Variants in TACC2 observed in about 807,000 individuals in gnomAD.
The protein encoded by TACC2 is transforming acidic coiled-coil-containing protein 2.
A neutral mutation model predicts 227.3 loss-of-function variants in TACC2; 137 were observed. The observed-to-expected ratio is 0.60, with a 90% CI of 0.52 to 0.69. The LOEUF (loss-of-function observed/expected upper bound fraction) is 0.69, where lower values mean the gene tolerates loss of function less well. Among genes scored for constraint, TACC2 ranks in the 30% least tolerant of loss-of-function variants. TACC2 has a pLI of 0.00. For synonymous variants in TACC2, 1,523 were observed against 1,487.5 expected, an observed-to-expected ratio of 1.02 and a Z score of -0.55; for missense variants, 3,470 against 3,694.4, an observed-to-expected ratio of 0.94 and a Z score of 1.57.
intron 1 of TACC2, among the ~76,000 whole-genome samples, chr10:121,999,749 G>A (rs1361081204): frequency 1.3e-5 from 2 of 152,138 alleles, no homozygotes; most frequent in African/African-American, 4.8e-5. Flanking sequence ...TACATACACT[G>A]ATGTCAATCT....
intron 7 of TACC2, among the ~76,000 whole-genome samples, chr10:122,154,025 G>A (rs1565450027): frequency 6.6e-6 from 1 of 152,228 alleles, no homozygotes; most frequent in African/African-American, 2.4e-5. Flanking sequence ...GGCTCTGCAT[G>A]TGGTACCTGG....
chr10:122,150,751 T>C lies in TACC2; in HGVS notation c.5834+7045T>C, dbSNP rs1040094423. On this transcript the variant is annotated intron_variant, in intron 7 of 22. Coordinates refer to ENST00000369005, the MANE Select transcript of TACC2 (RefSeq NM_206862.4). This position sits in a 1 kb window ranked among gnomAD's most constrained non-coding sequence, Gnocchi z 4.0. ...AGCCAGTTTCTTTAATACTTCGCTG[T>C]CAGGAGAAGGACCTGCTGAGCGCTG... Among the ~76,000 whole-genome samples, 3 of 152,172 alleles carry C rather than the reference T, an allele frequency of 2.0e-5. No individual in the cohort carries two copies. Among genetic ancestry groups the C allele is most frequent in the Non-Finnish European group, 4.4e-5 (3 of 68,028 alleles).
chr10:122,064,091 G>A (rs895019981), intron 3 of TACC2, among the ~76,000 whole-genome samples: 1 of 152,094 alleles, frequency 6.6e-6, no homozygotes, highest in Non-Finnish European at 1.5e-5. Context: ...GAACCCAGGA[G>A]GCAGAGGTTG....
Position 122,084,383 on chromosome 10 carries a change from C to A in TACC2, c.1883C>A (p.Pro628His). The change falls in exon 4 of 23, where the codon CCC becomes CAC. Residue 628 changes from proline (P) to histidine (H), a missense_variant. Physicochemically the swap from Pro to His is moderately conservative, Grantham distance 77. This residue lies in a region of TACC2 where 1,924 missense variants were observed against 1,978.3 expected (regional missense o/e 0.97). Transcript: ENST00000369005. ...AGTGATGCAGAGAGCAGAGACCATC[C>A]CAGCTCACACTCAGCACAGCCACCC... ...PSSDAESRDH[P>H]SSHSAQPPRK... 1 of 1,613,310 alleles carries A rather than the reference C, an allele frequency of 6.2e-7. No individual in the cohort carries two copies. The highest frequency in any genetic ancestry group is 8.5e-7 in the Non-Finnish European group (1 of 1,180,018).
chr10:122,202,165 A>C (rs941946950), intron 8 of TACC2, among the ~76,000 whole-genome samples: 2 of 151,058 alleles, frequency 1.3e-5, no homozygotes, highest in Middle Eastern at 3.2e-3. Flanking sequence ...TGATTTGCTT[A>C]GGTTATTATT....
intron 3 of TACC2, among the ~76,000 whole-genome samples, chr10:122,058,754 A>T (rs1250420599): frequency 6.6e-6 from 1 of 152,028 alleles, no homozygotes; most frequent in Non-Finnish European, 1.5e-5. Flanking sequence ...AAATTTATGA[A>T]CCTCATGATT....
chr10:122,143,332 T>C (rs2090915331), intron 6 of TACC2, among the ~76,000 whole-genome samples: 1 of 152,148 alleles, frequency 6.6e-6, no homozygotes, highest in Non-Finnish European at 1.5e-5. Context: ...AACCCGGTTC[T>C]ACAGAAGCTT....
At position 122,111,168 on chromosome 10, in the gene TACC2, T is replaced by G. The variant is rs113890807; in HGVS notation, c.5574-21441T>G. 6.7e-3 allele frequency among the ~76,000 whole-genome samples: 996 copies of G among 148,590 alleles called. 11 individuals are homozygous for G. Among genetic ancestry groups the G allele is most frequent in the African/African-American group, 0.022 (906 of 40,678 alleles). On this transcript the variant is annotated intron_variant, in intron 5 of 22. Coordinates refer to ENST00000369005, the MANE Select transcript of TACC2 (RefSeq NM_206862.4). ...CCTCCCTACTTTAAAGTCAGGTGAT[T>G]AGCAACTTTAATTCCATCTACAACC...
chr10:122,132,958 G>A (rs944629039), intron 6 of TACC2, among the ~76,000 whole-genome samples: 1 of 152,112 alleles, frequency 6.6e-6, no homozygotes, highest in Non-Finnish European at 1.5e-5. Context: ...CAGGAAGACC[G>A]TTTCCCCTGT....
chr10:122,164,434 C>G (rs576693392), intron 7 of TACC2, among the ~76,000 whole-genome samples: 61 of 152,362 alleles, frequency 4.0e-4, no homozygotes, highest in Admixed American at 3.5e-3. Context: ...GTGGTGCGCT[C>G]TGGTGGACGT....
chr10:122,121,241 T>C (rs1458876956), intron 5 of TACC2, among the ~76,000 whole-genome samples: 1 of 152,198 alleles, frequency 6.6e-6, no homozygotes, highest in Non-Finnish European at 1.5e-5. Context: ...CATCCTGTAG[T>C]GTTTGTCTTA....
At chr10:122,033,086 C>T (rs1475086827) in intron 2 of TACC2, 1 of 1,288,848 alleles carries the variant, frequency 7.8e-7, no homozygotes, top group Non-Finnish European at 1.0e-6. Flanking sequence ...GATCCCTTTG[C>T]ATTTCAGCAG....
intron 19 of TACC2, among the ~76,000 whole-genome samples, chr10:122,242,715 T>C (rs1420779495): frequency 6.6e-6 from 1 of 152,212 alleles, no homozygotes; most frequent in African/African-American, 2.4e-5. Flanking sequence ...TTTATGCTAA[T>C]GGTCACTATT....
chr10:122,222,104 A>G (rs1010897), intron 11 of TACC2, among the ~76,000 whole-genome samples: 54,952 of 152,114 alleles, frequency 0.36, 10,277 homozygotes, highest in Middle Eastern at 0.51. Context: ...CCAGTTGAGA[A>G]TATGATGTGC....
At chr10:122,019,505 A>G (rs746070879) in intron 1 of TACC2, among the ~76,000 whole-genome samples, 3 of 152,250 alleles carry the variant, frequency 2.0e-5, no homozygotes, top group Non-Finnish European at 4.4e-5. Flanking sequence ...TGCAAAGGAC[A>G]GTTCTGAGCT....
At chr10:122,073,127 ATATATAT>A (rs1279624677) in intron 3 of TACC2, among the ~76,000 whole-genome samples, 42 of 50,596 alleles carry the variant, frequency 8.3e-4, no homozygotes, top group Admixed American at 2.1e-3. Context: ...AAAAAAAAAA[ATATATAT>A]ATATATATAT....
At chr10:122,070,125 A>G (rs2077872441) in intron 3 of TACC2, among the ~76,000 whole-genome samples, 1 of 152,162 alleles carries the variant, frequency 6.6e-6, no homozygotes, top group Non-Finnish European at 1.5e-5. Context: ...CCTTCATCAC[A>G]TTTTTGAGCT....
In TACC2 at chr10:122,086,514, C is replaced by A; in HGVS notation, c.4014C>A (p.Gly1338=). The change falls in exon 4 of 23, where the codon GGC becomes GGA. Residue 1338 remains glycine (G), a synonymous_variant. Coordinates refer to ENST00000369005, the MANE Select transcript of TACC2 (RefSeq NM_206862.4). The part of the protein sequence containing the change: ...CLDRMPLLAK[G]KQATGEEKAA... ...ACCGGATGCCACTTCTGGCCAAGGGCAAGCAGGCAACAGGGGAAGAGAAAG... is the reference window on the plus strand; with the variant it reads ...ACCGGATGCCACTTCTGGCCAAGGGAAAGCAGGCAACAGGGGAAGAGAAAG... 1 of 1,612,892 alleles carries A rather than the reference C, an allele frequency of 6.2e-7. No homozygotes were observed. Among genetic ancestry groups the A allele is most frequent in the Non-Finnish European group, 8.5e-7 (1 of 1,179,574 alleles).
chr10:122,172,535 G>A (rs763986781), intron 7 of TACC2, among the ~76,000 whole-genome samples: 6 of 152,224 alleles, frequency 3.9e-5, no homozygotes, highest in Non-Finnish European at 8.8e-5. Flanking sequence ...TTAAAGGGAG[G>A]CGCCTACAGT....
Sources: allele counts gnomAD v4.1 joint callset (sites outside exome capture counted in the v4.1 genomes callset), GRCh38; gene constraint gnomAD v4.1.1; regional missense constraint gnomAD v4.1.1; non-coding constraint Gnocchi (gnomAD v3.1); transcripts MANE v1.5; gene names NCBI Gene and HGNC (gene_info 2026-07-23, HGNC 2026-07-21).